Variants in PHF24 observed in about 807,000 individuals in gnomAD.
The protein encoded by PHF24 is PHD finger protein 24, also known as Galpha inhibitory interacting protein.
PHF24 carries 25 observed loss-of-function variants against 42.6 expected under a neutral mutation model. That is an observed-to-expected ratio of 0.59 (90% confidence interval 0.43 to 0.82). PHF24 has a LOEUF of 0.82. PHF24 is among the 40% of genes least tolerant of loss of function. The pLI is 0.00. For synonymous variants in PHF24, 185 were observed against 204.8 expected (o/e 0.90, Z 0.83); for missense variants, 470 against 538.1 (o/e 0.87, Z 1.25).
At chr9:34,914,051 T>C in the PHF24 span, among the ~76,000 whole-genome samples, 39 of 152,198 alleles carry the variant, frequency 2.6e-4, no homozygotes, top group African/African-American at 8.0e-4. Flanking sequence ...TTCACAGATA[T>C]TTAGCCTTGT....
At chr9:34,671,094 C>A in the PHF24 span, among the ~76,000 whole-genome samples, 1 of 152,188 alleles carries the variant, frequency 6.6e-6, no homozygotes, top group Admixed American at 6.5e-5. Context: ...CCCTTATTGA[C>A]CCATTTTCCT....
chr9:34,878,611 T>G, the PHF24 span, among the ~76,000 whole-genome samples: 6 of 152,186 alleles, frequency 3.9e-5, no homozygotes, highest in African/African-American at 1.4e-4. Context: ...GGAGCCTCAC[T>G]CACTGCTAGA....
At chr9:34,738,071 C>T in the PHF24 span, among the ~76,000 whole-genome samples, 2 of 151,998 alleles carry the variant, frequency 1.3e-5, no homozygotes, top group Middle Eastern at 3.4e-3. Context: ...TTCAAGGACC[C>T]CCAGTTGTTA....
chr9:34,791,887 G>T, the PHF24 span, among the ~76,000 whole-genome samples: 9 of 152,320 alleles, frequency 5.9e-5, no homozygotes, highest in East Asian at 1.5e-3. Flanking sequence ...GTTCAAGAGA[G>T]AATGGGAAGA....
the PHF24 span, among the ~76,000 whole-genome samples, chr9:34,949,936 A>C: frequency 0.17 from 25,261 of 151,920 alleles, 2,547 homozygotes; most frequent in Non-Finnish European, 0.23. Flanking sequence ...TGATAGGTGC[A>C]GCAAACCTTC....
the PHF24 span, among the ~76,000 whole-genome samples, chr9:34,750,513 A>C: frequency 2.0e-5 from 3 of 150,788 alleles, no homozygotes; most frequent in African/African-American, 7.3e-5. Flanking sequence ...TAAATAAATA[A>C]ATAAATAAAT....
exon 2 of PHF24, chr9:34,971,396 C>A (rs1280598194): frequency 2.5e-6 from 4 of 1,614,148 alleles, no homozygotes; most frequent in Non-Finnish European, 2.5e-6. Context: ...GACAGGCCTT[C>A]CATCCGACGC....
At chr9:34,682,478 A>G in the PHF24 span, among the ~76,000 whole-genome samples, 1 of 152,066 alleles carries the variant, frequency 6.6e-6, no homozygotes, top group Non-Finnish European at 1.5e-5. Context: ...CAAAGGTGAT[A>G]TTATGTTAGG....
At chr9:34,691,140 G>A in the PHF24 span, 1 of 1,613,430 alleles carries the variant, frequency 6.2e-7, no homozygotes, top group South Asian at 1.1e-5. Context: ...GCAGGGCCAT[G>A]GAGGGTGAAC....
At chr9:34,716,583 TG>T in the PHF24 span, among the ~76,000 whole-genome samples, 1 of 151,680 alleles carries the variant, frequency 6.6e-6, no homozygotes, top group Non-Finnish European at 1.5e-5. Context: ...TGTTTTGTTT[TG>T]TTTTGTTTTG....
the PHF24 span, among the ~76,000 whole-genome samples, chr9:34,850,653 A>G: frequency 6.6e-6 from 1 of 152,300 alleles, no homozygotes; most frequent in African/African-American, 2.4e-5. Flanking sequence ...GAGGAGCTGC[A>G]TTCCTTTGGA....
At chr9:34,729,395 A>G in the PHF24 span, 50,204 of 1,550,684 alleles carry the variant, frequency 0.032, 3,322 homozygotes, top group African/African-American at 0.28. Context: ...AGGGATATCC[A>G]ACTTCCCACA....
chr9:34,922,590 G>T, the PHF24 span: 1 of 955,002 alleles, frequency 1.0e-6, no homozygotes, highest in Non-Finnish European at 1.7e-6. Flanking sequence ...GCTCTCGCTT[G>T]TGAAGCACTG....
At chr9:34,682,303 A>AT in the PHF24 span, among the ~76,000 whole-genome samples, 1 of 151,934 alleles carries the variant, frequency 6.6e-6, no homozygotes, top group Non-Finnish European at 1.5e-5. Context: ...TTGATCGTGG[A>AT]CTTCTAACCT....
chr9:34,971,113 T>A (rs558744215), intron 1 of PHF24, among the ~76,000 whole-genome samples, 182 bp from the exon 2 acceptor site: 1 of 151,964 alleles, frequency 6.6e-6, no homozygotes, highest in African/African-American at 2.4e-5. Flanking sequence ...AATAAATAAA[T>A]AAAATTTAGG....
At chr9:34,806,911 T>C in the PHF24 span, among the ~76,000 whole-genome samples, 1 of 152,262 alleles carries the variant, frequency 6.6e-6, no homozygotes, top group African/African-American at 2.4e-5. Context: ...TTTGCAGCAT[T>C]GCTGAACTTA....
At chr9:34,668,414 C>G in the PHF24 span, among the ~76,000 whole-genome samples, 1 of 152,164 alleles carries the variant, frequency 6.6e-6, no homozygotes, top group Admixed American at 6.5e-5. Flanking sequence ...CATACCCACA[C>G]CACACAGGCA....
chr9:34,823,962 C>G, the PHF24 span, among the ~76,000 whole-genome samples: 2 of 152,226 alleles, frequency 1.3e-5, no homozygotes, highest in Non-Finnish European at 2.9e-5. Flanking sequence ...CTCTCTAGGA[C>G]AGGCACCTGG....
At chr9:34,789,201 A>G in the PHF24 span, among the ~76,000 whole-genome samples, 1 of 152,166 alleles carries the variant, frequency 6.6e-6, no homozygotes, top group Non-Finnish European at 1.5e-5. Context: ...GGGAACTTCA[A>G]ACTCTGATAC....
Sources: allele counts gnomAD v4.1 joint callset (sites outside exome capture counted in the v4.1 genomes callset), GRCh38; gene constraint gnomAD v4.1.1; transcripts MANE v1.5; gene names NCBI Gene and HGNC (gene_info 2026-07-23, HGNC 2026-07-21).